The following FER variants were observed in gnomAD, a reference collection of about 807,000 sequenced individuals.
FER encodes the protein FER tyrosine kinase.
In FER, 63 loss-of-function variants were observed where a neutral mutation model predicts 111.0. The ratio of observed to expected loss-of-function variants is 0.57; its 90% confidence interval spans 0.46 to 0.70. The LOEUF (loss-of-function observed/expected upper bound fraction) is 0.70. Ranked by LOEUF, FER falls within the 30% of genes least tolerant of loss-of-function variation. The pLI is 0.00. For synonymous variants in FER, 327 were observed against 313.9 expected (o/e 1.04, Z -0.44); for missense variants, 914 against 954.0 (o/e 0.96, Z 0.55).
chr5:108,958,326 G>T (rs930140658), intron 12 of FER, among the ~76,000 whole-genome samples: 1 of 151,630 alleles, frequency 6.6e-6, no homozygotes, highest in African/African-American at 2.4e-5. Context: ...TAAAATGGGG[G>T]TACTCCCATA....
chr5:109,062,720 T>A (rs1405126713), intron 16 of FER, among the ~76,000 whole-genome samples: 2 of 152,130 alleles, frequency 1.3e-5, no homozygotes, highest in East Asian at 3.9e-4. Context: ...GCTGGTTAAT[T>A]TTAGAAAGCC....
At chr5:108,838,629 T>C (rs1391405011) in intron 5 of FER, among the ~76,000 whole-genome samples, 2 of 152,162 alleles carry the variant, frequency 1.3e-5, no homozygotes, top group African/African-American at 2.4e-5. Context: ...TAAACTGATA[T>C]TTTAAATTTT....
chr5:108,917,365 G>A (rs1752403244), intron 10 of FER, among the ~76,000 whole-genome samples: 1 of 152,054 alleles, frequency 6.6e-6, no homozygotes, highest in Admixed American at 6.5e-5. Context: ...AGATAATTTG[G>A]TATATGGGGA....
chr5:109,160,090 T>TGTCATTCA (rs1460893398), intron 17 of FER, among the ~76,000 whole-genome samples: 1 of 152,164 alleles, frequency 6.6e-6, no homozygotes, highest in Non-Finnish European at 1.5e-5. Context: ...AAGATTGGAA[T>TGTCATTCA]GTCATTCATG....
intron 1 of FER, among the ~76,000 whole-genome samples, chr5:108,767,720 CA>C (rs1343412770): frequency 4.1e-4 from 62 of 152,290 alleles, no homozygotes; most frequent in African/African-American, 1.3e-3. Flanking sequence ...GTACTCAGGC[CA>C]TCCTCCTACT....
chr5:109,121,708 G>A (rs1482531568), intron 17 of FER, among the ~76,000 whole-genome samples: 1 of 152,060 alleles, frequency 6.6e-6, no homozygotes, highest in Non-Finnish European at 1.5e-5. Flanking sequence ...AAATTCAGCA[G>A]TGAAGCCATC....
chr5:108,845,067 T>TATATATATATATATATAC (rs1486282738), intron 5 of FER, among the ~76,000 whole-genome samples: 3 of 53,886 alleles, frequency 5.6e-5, no homozygotes, highest in Non-Finnish European at 7.0e-5. Context: ...TATATATATA[T>TATATATATATATATATAC]ACACACACAC....
chr5:108,959,141 AG>A, intron 12 of FER, 83 bp from the exon 13 acceptor site: 1 of 1,416,702 alleles, frequency 7.1e-7, no homozygotes, highest in African/African-American at 1.4e-5. Context: ...AGTTTTTTTA[AG>A]AAAGGAATCT....
intron 16 of FER, among the ~76,000 whole-genome samples, chr5:109,095,273 G>T (rs1044147178): frequency 2.6e-5 from 4 of 152,076 alleles, no homozygotes; most frequent in Non-Finnish European, 5.9e-5. Context: ...AGAAGGAAAA[G>T]GAATCAGGAA....
intron 12 of FER, among the ~76,000 whole-genome samples, chr5:108,958,398 G>T (rs886735034): frequency 6.6e-6 from 1 of 151,678 alleles, no homozygotes; most frequent in African/African-American, 2.4e-5. Context: ...TTGTTACATT[G>T]CATTGCAATG....
At chr5:109,105,523 G>A (rs568018564) in intron 17 of FER, among the ~76,000 whole-genome samples, 2 of 152,186 alleles carry the variant, frequency 1.3e-5, no homozygotes, top group South Asian at 2.1e-4. Context: ...TTTCTGTGAC[G>A]TTTTGAACCC....
intron 17 of FER, among the ~76,000 whole-genome samples, chr5:109,144,975 T>C (rs148859915): frequency 1.3e-3 from 204 of 152,122 alleles, no homozygotes; most frequent in African/African-American, 4.8e-3. Flanking sequence ...CCTTCAAATC[T>C]CCTTTCTCTG....
chr5:109,142,666 T>C (rs568620181), intron 17 of FER, among the ~76,000 whole-genome samples: 2 of 152,076 alleles, frequency 1.3e-5, no homozygotes, highest in African/African-American at 4.8e-5. Context: ...GCAGGAACTC[T>C]GGAGGGAGAT....
chr5:108,906,176 G>A (rs1022756539), intron 10 of FER, among the ~76,000 whole-genome samples: 4 of 152,180 alleles, frequency 2.6e-5, no homozygotes, highest in South Asian at 2.1e-4. Flanking sequence ...TACATTTAAA[G>A]CATGCAGAAC....
chr5:108,967,617 G>T (rs910310499), intron 13 of FER, among the ~76,000 whole-genome samples: 2 of 151,962 alleles, frequency 1.3e-5, no homozygotes, highest in Non-Finnish European at 2.9e-5. Context: ...AAAATTAGCT[G>T]GGTGTGGTGG....
chr5:108,814,816 G>A (rs71592769), intron 3 of FER, among the ~76,000 whole-genome samples: 9,862 of 152,216 alleles, frequency 0.065, 354 homozygotes, highest in Non-Finnish European at 0.075. Flanking sequence ...TTATTTTGAA[G>A]TGTGTACATT....
chr5:108,891,479 C>G (rs914251484), intron 9 of FER: 1 of 151,886 alleles, frequency 6.6e-6, no homozygotes, highest in Admixed American at 6.6e-5. Context: ...TGTTCACAGT[C>G]AGTTATAGAT....
rs1340978636 is a variant in FER at position 108,857,815 on chromosome 5, A to G, written c.482-9952A>G. On this transcript the variant is annotated intron_variant, in intron 5 of 19. Transcript: ENST00000281092. ...ATTATAATTTTATACTATCATAATG[A>G]TATACTATCATGCTCGGATTTGGCC... is the stretch of plus-strand genomic sequence containing the variant. 2.0e-5 allele frequency among the ~76,000 whole-genome samples: 3 copies of G among 152,274 alleles called. No individual in the cohort carries two copies. The East Asian group carries it at 5.8e-4, about 29-fold the overall frequency.
intron 1 of FER, among the ~76,000 whole-genome samples, chr5:108,759,570 A>G (rs1000429364): frequency 2.0e-5 from 3 of 152,250 alleles, no homozygotes; most frequent in African/African-American, 4.8e-5. Context: ...TTTAAAAATA[A>G]TAGAAATTTA....
Sources: gnomAD v4.1 joint callset for allele counts (sites outside exome capture counted in the v4.1 genomes callset) on GRCh38, gnomAD v4.1.1 for gene constraint, MANE v1.5 for transcripts, NCBI Gene and HGNC (gene_info 2026-07-23, HGNC 2026-07-21) for gene names.